Variants in TCF7L1 observed in about 807,000 individuals in gnomAD.
TCF7L1 encodes the protein transcription factor 7 like 1.
A neutral mutation model predicts 63.7 loss-of-function variants in TCF7L1; 18 were observed. The observed-to-expected ratio is 0.28, with a 90% CI of 0.20 to 0.42. The LOEUF (loss-of-function observed/expected upper bound fraction) is 0.42, where lower values mean the gene tolerates loss of function less well. Ranked by LOEUF, TCF7L1 falls within the 10% of genes least tolerant of loss-of-function variation. The pLI is 1.00. For synonymous variants in TCF7L1, 355 were observed against 340.9 expected (o/e 1.04, Z -0.46); for missense variants, 654 against 779.3 (o/e 0.84, Z 1.91).
intron 3 of TCF7L1, among the ~76,000 whole-genome samples, chr2:85,255,652 C>T (rs1459930844): frequency 1.3e-5 from 2 of 152,216 alleles, no homozygotes; most frequent in Non-Finnish European, 2.9e-5. Context: ...CCTCTGCCTT[C>T]CCAGCCCTTC....
At chr2:85,289,201 T>A (rs1681628572) in intron 4 of TCF7L1, among the ~76,000 whole-genome samples, 1 of 151,564 alleles carries the variant, frequency 6.6e-6, no homozygotes, top group Non-Finnish European at 1.5e-5. Context: ...AACATTTTGT[T>A]AAATAGTATT....
intron 3 of TCF7L1, among the ~76,000 whole-genome samples, chr2:85,205,432 A>G (rs767989297): frequency 2.6e-5 from 4 of 152,166 alleles, no homozygotes; most frequent in Non-Finnish European, 5.9e-5. Context: ...TGTATCTTGA[A>G]ATGATGGACT....
Position 85,134,583 on chromosome 2 carries a change from C to A in TCF7L1, c.441+133C>A, listed in dbSNP as rs1677545750. ...AGCAGAACTTGTTTGCGGAGTTGAA[C>A]TACTCTCTGGCGGCCGAGCGCGAGG... On this transcript the variant is annotated intron_variant, in intron 3 of 11. Transcript: ENST00000282111. The surrounding 1 kb of genome is among the most constrained non-coding windows in gnomAD (Gnocchi z 5.0). 2 of 1,312,430 alleles carry A rather than the reference C, an allele frequency of 1.5e-6. No individual in the cohort carries two copies. The highest frequency in any genetic ancestry group is 5.5e-5 in the Admixed American group (2 of 36,400). 81.3% of individuals were successfully genotyped at this position (1,312,430 alleles called of 1,614,324 possible).
At chr2:85,148,122 A>G (rs1273229814) in intron 3 of TCF7L1, among the ~76,000 whole-genome samples, 1 of 152,082 alleles carries the variant, frequency 6.6e-6, no homozygotes, top group Non-Finnish European at 1.5e-5. Flanking sequence ...TGTTAGGGAG[A>G]GTGAGACGCT....
At chr2:85,252,455 G>T (rs1318589060) in intron 3 of TCF7L1, among the ~76,000 whole-genome samples, 1 of 152,072 alleles carries the variant, frequency 6.6e-6, no homozygotes, top group East Asian at 1.9e-4. Context: ...CTACTACCCT[G>T]ACCCAAGCCT....
At chr2:85,200,858 C>G (rs566815187) in intron 3 of TCF7L1, among the ~76,000 whole-genome samples, 14 of 152,234 alleles carry the variant, frequency 9.2e-5, no homozygotes, top group Admixed American at 2.0e-4. Flanking sequence ...CTTGAGTTAC[C>G]TGCGACACTT....
At chr2:85,281,099 CTGCA>C (rs1681408665) in intron 3 of TCF7L1, among the ~76,000 whole-genome samples, 1 of 148,946 alleles carries the variant, frequency 6.7e-6, no homozygotes, top group Non-Finnish European at 1.5e-5. Flanking sequence ...TCTCGGTTCA[CTGCA>C]ACCTCCGCCT....
rs112444520 is a variant in TCF7L1 at position 85,303,673 on chromosome 2, G to A, written c.659-222G>A. On this transcript the variant is annotated intron_variant, in intron 5 of 11. Transcript: ENST00000282111. ...GATACTCTTCACAGAGATAGAATCCGTGCAGCTAGAGAGGGGGTGCATTAG... is the reference window on the plus strand; with the variant it reads ...GATACTCTTCACAGAGATAGAATCCATGCAGCTAGAGAGGGGGTGCATTAG... 956 of 429,358 alleles carry A rather than the reference G, an allele frequency of 2.2e-3. 4 individuals are homozygous for A. The highest frequency in any genetic ancestry group is 2.5e-3 in the Non-Finnish European group (606 of 242,482). The allele number at this position is 429,358 out of a possible 1,614,324, so 26.6% of individuals were successfully genotyped here.
intron 4 of TCF7L1, 65 bp downstream of exon 4, chr2:85,283,643 C>T: frequency 1.3e-6 from 2 of 1,541,354 alleles, no homozygotes; most frequent in Non-Finnish European, 1.8e-6. Flanking sequence ...ATGCCACTGC[C>T]TTCTGCCATC....
chr2:85,157,723 G>A (rs1236651421), intron 3 of TCF7L1, among the ~76,000 whole-genome samples: 1 of 152,212 alleles, frequency 6.6e-6, no homozygotes, highest in Non-Finnish European at 1.5e-5. Flanking sequence ...TGGGGTTTTC[G>A]GGTCTGCAGC....
At chr2:85,255,501 C>G (rs999523052) in intron 3 of TCF7L1, among the ~76,000 whole-genome samples, 1 of 152,162 alleles carries the variant, frequency 6.6e-6, no homozygotes, top group African/African-American at 2.4e-5. Context: ...GCTGAGAGAC[C>G]AGGCAGCTTT....
At chr2:85,195,931 C>CA (rs1411550225) in intron 3 of TCF7L1, among the ~76,000 whole-genome samples, 1 of 152,166 alleles carries the variant, frequency 6.6e-6, no homozygotes, top group East Asian at 1.9e-4. Flanking sequence ...CAGTAGGTAT[C>CA]AGCTGACTGA....
At chr2:85,304,764 G>A (rs952732199) in intron 7 of TCF7L1, among the ~76,000 whole-genome samples, 3 of 152,198 alleles carry the variant, frequency 2.0e-5, no homozygotes, top group Admixed American at 1.3e-4. Flanking sequence ...AATTAATATC[G>A]TTTTTGCACC....
intron 3 of TCF7L1, among the ~76,000 whole-genome samples, chr2:85,239,966 A>C (rs1410788226): frequency 6.6e-6 from 1 of 152,006 alleles, no homozygotes; most frequent in Non-Finnish European, 1.5e-5. Flanking sequence ...AAAAAACAAA[A>C]AAAAAACAAG....
chr2:85,252,195 T>G (rs563313313), intron 3 of TCF7L1, among the ~76,000 whole-genome samples: 1 of 152,288 alleles, frequency 6.6e-6, no homozygotes, highest in Admixed American at 6.5e-5. Context: ...AAGTGAGTGG[T>G]GCACCCAGGG....
At chr2:85,293,123 C>T (rs1248142903) in intron 4 of TCF7L1, among the ~76,000 whole-genome samples, 2 of 152,210 alleles carry the variant, frequency 1.3e-5, no homozygotes, top group Non-Finnish European at 2.9e-5. Context: ...CTTCCTTTCA[C>T]TTCATTTCAT....
intron 3 of TCF7L1, among the ~76,000 whole-genome samples, chr2:85,223,192 C>A (rs1283407557): frequency 6.6e-6 from 1 of 152,178 alleles, no homozygotes; most frequent in Admixed American, 6.5e-5. Flanking sequence ...AGCAATCCCC[C>A]CACCTCAGCC....
rs376459910 is a variant in TCF7L1 at position 85,134,089 on chromosome 2, C to G, written c.313+10C>G. 6.2e-7 allele frequency: 1 copy of G among 1,608,890 alleles called. No homozygotes were observed. Among genetic ancestry groups the G allele is most frequent in the Non-Finnish European group, 8.5e-7 (1 of 1,178,770 alleles). On this transcript the variant is annotated intron_variant, in intron 2 of 11. Coordinates refer to ENST00000282111, the MANE Select transcript of TCF7L1 (RefSeq NM_031283.3). This position sits in a 1 kb window ranked among gnomAD's most constrained non-coding sequence, Gnocchi z 5.0. ...GACTATTTCGCCGAAGGTATGTGCCCGCTGGGACAGCCCCCCACTCTCGAT... is the reference window on the plus strand; with the variant it reads ...GACTATTTCGCCGAAGGTATGTGCCGGCTGGGACAGCCCCCCACTCTCGAT...
intron 3 of TCF7L1, among the ~76,000 whole-genome samples, chr2:85,267,789 C>A (rs1010473552): frequency 1.3e-5 from 2 of 151,926 alleles, no homozygotes; most frequent in African/African-American, 4.8e-5. Context: ...GGGGGTTAAA[C>A]GAAATAACAC....
Sources: allele counts gnomAD v4.1 joint callset (sites outside exome capture counted in the v4.1 genomes callset), GRCh38; gene constraint gnomAD v4.1.1; non-coding constraint Gnocchi (gnomAD v3.1); transcripts MANE v1.5; gene names NCBI Gene and HGNC (gene_info 2026-07-23, HGNC 2026-07-21).